Variants in MPRIP observed in about 807,000 individuals in gnomAD.
MPRIP encodes the protein myosin phosphatase Rho interacting protein, also known as myosin phosphatase Rho-interacting protein.
A neutral mutation model predicts 234.9 loss-of-function variants in MPRIP; 59 were observed. The observed-to-expected ratio is 0.25, with a 90% CI of 0.20 to 0.31. The LOEUF (loss-of-function observed/expected upper bound fraction) is 0.31, where lower values mean the gene tolerates loss of function less well. Among genes scored for constraint, MPRIP ranks in the 10% least tolerant of loss-of-function variants. The pLI is 1.00. For synonymous variants in MPRIP, 1,144 were observed against 1,263.9 expected (o/e 0.91, Z 2.01); for missense variants, 2,436 against 3,071.0 (o/e 0.79, Z 4.89).
At chr17:17,057,525 C>G (rs769834122) in intron 1 of MPRIP, 29 of 699,758 alleles carry the variant, frequency 4.1e-5, no homozygotes, top group Middle Eastern at 2.3e-4. Context: ...GCAGAGGGCC[C>G]ACAGAGCCCC....
At chr17:17,115,815 G>T (rs1049893903) in intron 3 of MPRIP, among the ~76,000 whole-genome samples, 2 of 152,108 alleles carry the variant, frequency 1.3e-5, no homozygotes, top group Non-Finnish European at 2.9e-5. Flanking sequence ...AGGCTGGGGT[G>T]GTGGCTTCAG....
intron 15 of MPRIP, among the ~76,000 whole-genome samples, chr17:17,162,243 A>G (rs148288692): frequency 2.0e-5 from 3 of 152,314 alleles, no homozygotes; most frequent in African/African-American, 7.2e-5. Flanking sequence ...CCCCTCCTCT[A>G]CAGCGGCAGT....
Position 17,181,631 on chromosome 17 carries a change from A to C in MPRIP, c.7206+1543A>C, listed in dbSNP as rs1184662323. 2.6e-5 allele frequency: 4 copies of C among 152,376 alleles called. No individual in the cohort carries two copies. The East Asian group carries it at 7.7e-4, about 29-fold the overall frequency. The allele number at this position is 152,376 out of a possible 1,614,324, so 9.4% of individuals were successfully genotyped here. Reference sequence around the variant, plus strand: ...TTTTGGTTCACGGTTTTCTTACTGAAGATTCTACTACTTATTTGAGGCTAA... The same window carrying C: ...TTTTGGTTCACGGTTTTCTTACTGACGATTCTACTACTTATTTGAGGCTAA... On this transcript the variant is annotated intron_variant, in intron 23 of 23. Transcript: ENST00000651222.
intron 16 of MPRIP, among the ~76,000 whole-genome samples, chr17:17,170,360 G>A (rs926014044): frequency 5.3e-5 from 8 of 152,180 alleles, no homozygotes; most frequent in Non-Finnish European, 1.0e-4. Context: ...AGGTGTGAGG[G>A]TGGCAGAAAG....
intron 1 of MPRIP, among the ~76,000 whole-genome samples, chr17:17,069,523 T>A (rs1198437740): frequency 6.6e-6 from 1 of 152,010 alleles, no homozygotes; most frequent in Non-Finnish European, 1.5e-5. Context: ...ACTTGAACAT[T>A]TTCTTTAGAA....
intron 3 of MPRIP, among the ~76,000 whole-genome samples, chr17:17,125,700 C>G (rs774721729): frequency 3.9e-5 from 6 of 152,274 alleles, no homozygotes; most frequent in Non-Finnish European, 8.8e-5. Context: ...CATTGACTGT[C>G]AGCAAGGAGC....
At position 17,154,290 on chromosome 17, in the gene MPRIP, C is replaced by T. The variant is rs904937202; in HGVS notation, c.1720-16C>T. ...TAGGGGACAGTCACTGATGGTGCCT[C>T]ATCTTTTCTCTGTAGACAAAGGAGG... On this transcript the variant is annotated splice_polypyrimidine_tract_variant and intron_variant, in intron 12 of 23. Coordinates refer to ENST00000651222, the MANE Select transcript of MPRIP (RefSeq NM_001364716.4). 5.0e-6 allele frequency: 8 copies of T among 1,612,170 alleles called. No individual in the cohort carries two copies. Among genetic ancestry groups the T allele is most frequent in the African/African-American group, 1.3e-5 (1 of 75,000 alleles).
At chr17:17,128,637 G>C (rs369896335) in intron 4 of MPRIP, among the ~76,000 whole-genome samples, 3 of 152,158 alleles carry the variant, frequency 2.0e-5, no homozygotes, top group African/African-American at 7.2e-5. Context: ...GCTGCCTGAC[G>C]CTCTTCCCCT....
At chr17:17,181,632 G>C (rs2046375966) in intron 23 of MPRIP, 1 of 152,228 alleles carries the variant, frequency 6.6e-6, no homozygotes, top group African/African-American at 2.4e-5. Flanking sequence ...TCTTACTGAA[G>C]ATTCTACTAC....
intron 13 of MPRIP, among the ~76,000 whole-genome samples, chr17:17,155,296 A>G (rs1388107508): frequency 1.3e-5 from 2 of 150,332 alleles, no homozygotes; most frequent in Non-Finnish European, 3.0e-5. Flanking sequence ...TCTGTTGCCT[A>G]GGCTAGAGTG....
chr17:17,071,054 G>T (rs79110942), intron 1 of MPRIP, among the ~76,000 whole-genome samples: 1 of 152,118 alleles, frequency 6.6e-6, no homozygotes, highest in African/African-American at 2.4e-5. Flanking sequence ...TCCTCTGGGC[G>T]CCCTCTGACA....
intron 3 of MPRIP, among the ~76,000 whole-genome samples, chr17:17,092,769 T>G (rs1346600730): frequency 6.6e-6 from 1 of 152,160 alleles, no homozygotes; most frequent in Admixed American, 6.5e-5. Flanking sequence ...CTACAGAGAC[T>G]CTGCAGGGAA....
intron 1 of MPRIP, among the ~76,000 whole-genome samples, chr17:17,074,787 T>C (rs2089288901): frequency 6.6e-6 from 1 of 152,186 alleles, no homozygotes; most frequent in African/African-American, 2.4e-5. Flanking sequence ...TTTTCGGGGT[T>C]CCTCGGTGTT....
rs1214879415 is a variant in MPRIP at position 17,088,786 on chromosome 17, GGCAAT to G, written c.267+10712_267+10716del. The stretch of plus-strand genomic sequence containing the variant: ...TCCACGTAGGGCACCACTTCTGGCA[GGCAAT>G]GTAGTATGTTAGTGTCTTAGCCTCT... On this transcript the variant is annotated intron_variant, in intron 3 of 23. Transcript: ENST00000651222. 1.3e-4 allele frequency among the ~76,000 whole-genome samples: 20 copies of G among 151,280 alleles called. No homozygotes were observed. In the East Asian group the frequency reaches 3.9e-3, roughly 29 times the overall value.
rs2090698084 is a variant in MPRIP, at chr17:17,136,362, C to T, written c.648C>T (p.Gly216=). Residue 216 remains glycine (G), a synonymous_variant, in exon 6 of 24, where the codon GGC becomes GGT. Transcript: ENST00000651222. ...EEMRTKDQPD[G]SSLSPAQSPS... is the part of the protein sequence containing the mutation. ...TGAGGACCAAGGACCAGCCAGATGG[C>T]AGCAGCCTGAGTCCAGCTCAGAGTC... 6.2e-7 allele frequency: 1 copy of T among 1,611,204 alleles called. No homozygotes were observed. Among genetic ancestry groups the T allele is most frequent in the South Asian group, 1.1e-5 (1 of 90,574 alleles).
intron 1 of MPRIP, among the ~76,000 whole-genome samples, chr17:17,068,529 CTT>C (rs111424564): frequency 6.9e-6 from 1 of 144,628 alleles, no homozygotes; most frequent in Non-Finnish European, 1.5e-5. Context: ...CTACCTTTAT[CTT>C]TTTTTTTTTT....
chr17:17,108,696 C>T (rs991940942), intron 3 of MPRIP, among the ~76,000 whole-genome samples: 13 of 152,232 alleles, frequency 8.5e-5, no homozygotes, highest in African/African-American at 2.6e-4. Context: ...CAGGGGTGAC[C>T]GGGAGGGTGC....
intron 3 of MPRIP, among the ~76,000 whole-genome samples, chr17:17,097,977 T>C (rs12603417): frequency 0.24 from 36,195 of 152,078 alleles, 7,936 homozygotes; most frequent in African/African-American, 0.57. Context: ...TTTTAGATCC[T>C]GTGTCATTCT....
At chr17:17,049,037 A>G (rs1225382624) in intron 1 of MPRIP, among the ~76,000 whole-genome samples, 1 of 152,256 alleles carries the variant, frequency 6.6e-6, no homozygotes, top group Non-Finnish European at 1.5e-5. Context: ...ATGCCACAAC[A>G]TGGACGAACC....
Sources: allele counts gnomAD v4.1 joint callset (sites outside exome capture counted in the v4.1 genomes callset), GRCh38; gene constraint gnomAD v4.1.1; transcripts MANE v1.5; gene names NCBI Gene and HGNC (gene_info 2026-07-23, HGNC 2026-07-21).